The following EXD3 variants were observed in gnomAD, a reference collection of about 807,000 sequenced individuals.
EXD3 encodes exonuclease 3'-5' domain containing 3.
EXD3 carries 92 observed loss-of-function variants against 98.0 expected under a neutral mutation model. That is an observed-to-expected ratio of 0.94 (90% confidence interval 0.79 to 1.12). The LOEUF is 1.12. Among genes scored for constraint, EXD3 ranks in the 50% most tolerant of loss-of-function variants. EXD3 has a pLI of 0.00. For synonymous variants in EXD3, 569 were observed against 526.0 expected, an observed-to-expected ratio of 1.08 and a Z score of -1.12; for missense variants, 1,222 against 1,191.6, an observed-to-expected ratio of 1.03 and a Z score of -0.38.
At chr9:137,413,919 CTTT>C (rs57038595) in intron 1 of EXD3, among the ~76,000 whole-genome samples, 3 of 133,546 alleles carry the variant, frequency 2.2e-5, no homozygotes, top group Non-Finnish European at 3.3e-5. Flanking sequence ...TTTTTTTTTT[CTTT>C]TTTTTTTTTT....
At chr9:137,339,210 C>G (rs1236393650) in intron 17 of EXD3, among the ~76,000 whole-genome samples, 1 of 152,058 alleles carries the variant, frequency 6.6e-6, no homozygotes, top group Non-Finnish European at 1.5e-5. Context: ...GGAAGCCTCA[C>G]AGGAAGTGAG....
chr9:137,400,815 TA>T (rs1837447308), intron 1 of EXD3, among the ~76,000 whole-genome samples: 2 of 151,848 alleles, frequency 1.3e-5, no homozygotes, highest in South Asian at 4.1e-4. Context: ...ACAAAGGGAT[TA>T]CAGGGCCCAC....
In EXD3 at chr9:137,371,242, C is replaced by T. The variant is rs1052342698; in HGVS notation, c.462+1663G>A. Among the ~76,000 whole-genome samples the T allele has an allele frequency of 5.3e-5, 8 of 152,240 alleles. No individual in the cohort carries two copies. The highest frequency in any genetic ancestry group is 1.9e-4 in the East Asian group (1 of 5,198). ...TCCCTGCACTCTCCGCAGGCACGGC[C>T]GCCATTCAGCGTCGCGCCACATGAG... On this transcript the variant is annotated intron_variant, in intron 5 of 21. Coordinates refer to ENST00000340951, the MANE Select transcript of EXD3 (RefSeq NM_017820.5). The surrounding 1 kb of genome is among the most constrained non-coding windows in gnomAD (Gnocchi z 8.0).
In EXD3 at chr9:137,335,281, T is replaced by C. The variant is rs1833295951; in HGVS notation, c.1999-11138A>G. Among the ~76,000 whole-genome samples, 6 of 152,030 alleles carry C rather than the reference T, an allele frequency of 3.9e-5. No homozygotes were observed. In the South Asian group the frequency reaches 1.0e-3, roughly 26 times the overall value. Reference sequence around the variant, plus strand: ...CATTTCTCAAAAGAAGATATACAGATACGCAGCAAACGTGAAAAATCGCTC... The same window carrying C: ...CATTTCTCAAAAGAAGATATACAGACACGCAGCAAACGTGAAAAATCGCTC... On this transcript the variant is annotated intron_variant, in intron 17 of 21. Transcript: ENST00000340951.
intron 10 of EXD3, chr9:137,353,980 G>GC (rs1834463102): frequency 1.8e-6 from 2 of 1,102,044 alleles, no homozygotes; most frequent in Non-Finnish European, 2.2e-6. Context: ...GGGCTGGGGG[G>GC]GCCTGGCCTT....
Position 137,405,451 on chromosome 9 carries a change from G to A in EXD3, c.-47-10047C>T, listed in dbSNP as rs774169672. ...CCCAAGGATTTGCAGAGCCGCGGAC[G>A]GAGCCCAGGGCGGCCGTCGCAGGCC... On this transcript the variant is annotated intron_variant, in intron 1 of 21. Coordinates refer to ENST00000340951, the MANE Select transcript of EXD3 (RefSeq NM_017820.5). The surrounding 1 kb of genome is among the most constrained non-coding windows in gnomAD (Gnocchi z 4.1). Among the ~76,000 whole-genome samples, 49 of 152,352 alleles carry A rather than the reference G, an allele frequency of 3.2e-4. No homozygotes were observed. Among genetic ancestry groups the A allele is most frequent in the Non-Finnish European group, 5.6e-4 (38 of 68,032 alleles).
chr9:137,373,520 C>G lies in EXD3; in HGVS notation c.200G>C (p.Arg67Pro). 2 of 1,604,502 alleles carry G rather than the reference C, an allele frequency of 1.2e-6. No individual in the cohort carries two copies. The highest frequency in any genetic ancestry group is 1.7e-6 in the Non-Finnish European group (2 of 1,176,584). The change falls in exon 4 of 22, where the codon CGG becomes CCG. Residue 67 changes from arginine (R) to proline (P), a missense_variant. By Grantham distance (103) the Arg-to-Pro change is moderately radical. Transcript: ENST00000340951. ...AGLLDMLESCRGQRGEGPSLA... is the reference protein window; with the variant it reads ...AGLLDMLESCPGQRGEGPSLA... ...GGAGGGGCCCTCTCCCCGCTGGCCC[C>G]GGCAGCTCTCCAGCATGTCCAGAAG...
At chr9:137,408,596 G>A (rs1033267730) in intron 1 of EXD3, among the ~76,000 whole-genome samples, 1 of 144,888 alleles carries the variant, frequency 6.9e-6, no homozygotes, top group Non-Finnish European at 1.5e-5. Context: ...CAGCCCCTAC[G>A]GCCCCCACAC....
At chr9:137,331,045 C>T (rs1833042441) in intron 17 of EXD3, among the ~76,000 whole-genome samples, 2 of 152,148 alleles carry the variant, frequency 1.3e-5, no homozygotes, top group Non-Finnish European at 2.9e-5. Flanking sequence ...CACATTAAAG[C>T]AATAATTCAC....
rs1029154793 is a variant in EXD3 at position 137,393,669 on chromosome 9, G to A, written c.55+1634C>T. 6.6e-6 allele frequency among the ~76,000 whole-genome samples: 1 copy of A among 152,218 alleles called. No homozygotes were observed. Among genetic ancestry groups the A allele is most frequent in the Admixed American group, 6.5e-5 (1 of 15,286 alleles). ...GTCCAAGGCCCGAGGAGGCAACTGCGTGGGATAGGGAAACTGAGGCAGAGA... is the reference window on the plus strand; with the variant it reads ...GTCCAAGGCCCGAGGAGGCAACTGCATGGGATAGGGAAACTGAGGCAGAGA... On this transcript the variant is annotated intron_variant, in intron 2 of 21. Transcript: ENST00000340951. This position sits in a 1 kb window ranked among gnomAD's most constrained non-coding sequence, Gnocchi z 4.6.
chr9:137,386,133 C>T (rs1040189924), intron 2 of EXD3, among the ~76,000 whole-genome samples: 1 of 151,836 alleles, frequency 6.6e-6, no homozygotes, highest in Non-Finnish European at 1.5e-5. Context: ...CCATCTCTAC[C>T]AAAATAAATA....
Position 137,349,398 on chromosome 9 carries a change from G to A in EXD3, c.1628C>T (p.Pro543Leu), listed in dbSNP as rs138566172. The change falls in exon 15 of 22, where the codon CCG becomes CTG. Residue 543 changes from proline to leucine, a missense_variant. Physicochemically the swap from Pro to Leu is moderately conservative, Grantham distance 98. Coordinates refer to ENST00000340951, the MANE Select transcript of EXD3 (RefSeq NM_017820.5). This position sits in a 1 kb window ranked among gnomAD's most constrained non-coding sequence, Gnocchi z 7.4. ...GTAGATGACCTGCTCCTCGCAGAGC[G>A]GCCTCCGGTCCCAGTTGGACAGCTG... ...TQQLSNWDRR[P>L]LCEEQVIYAA... 1.9e-5 allele frequency: 30 copies of A among 1,595,682 alleles called. 1 individual carries two copies. Among genetic ancestry groups the A allele is most frequent in the East Asian group, 9.0e-5 (4 of 44,590 alleles).
chr9:137,323,505 C>G (rs376802568), intron 19 of EXD3, among the ~76,000 whole-genome samples: 1 of 101,828 alleles, frequency 9.8e-6, no homozygotes, highest in Non-Finnish European at 1.9e-5. Context: ...GATGATCTGC[C>G]GACACCTCAC....
intron 19 of EXD3, among the ~76,000 whole-genome samples, chr9:137,320,406 G>A (rs564013298): frequency 6.6e-6 from 1 of 152,196 alleles, no homozygotes; most frequent in South Asian, 2.1e-4. Context: ...CTCCAGCCTG[G>A]ACAGTTGCTG....
At chr9:137,310,388 T>A (rs968028503) in intron 19 of EXD3, among the ~76,000 whole-genome samples, 1 of 152,074 alleles carries the variant, frequency 6.6e-6, no homozygotes, top group African/African-American at 2.4e-5. Context: ...ACCACCACAC[T>A]CAGCTAATTT....
intron 19 of EXD3, among the ~76,000 whole-genome samples, chr9:137,318,598 G>A (rs979866507): frequency 3.3e-5 from 5 of 152,106 alleles, no homozygotes; most frequent in African/African-American, 1.2e-4. Flanking sequence ...ATGGTAGACG[G>A]CACTGGGAAC....
At chr9:137,413,568 C>A (rs1054222197) in intron 1 of EXD3, among the ~76,000 whole-genome samples, 4 of 146,214 alleles carry the variant, frequency 2.7e-5, no homozygotes, top group South Asian at 2.2e-4. Flanking sequence ...TGCAGTGGTG[C>A]GATCCCAGCT....
chr9:137,410,415 G>A (rs1837936553), intron 1 of EXD3, among the ~76,000 whole-genome samples: 1 of 151,522 alleles, frequency 6.6e-6, no homozygotes, highest in African/African-American at 2.4e-5. Context: ...AACCCAGGAG[G>A]TGGAGGTTGC....
At chr9:137,370,667 C>T (rs1835543597) in intron 5 of EXD3, among the ~76,000 whole-genome samples, 1 of 151,858 alleles carries the variant, frequency 6.6e-6, no homozygotes, top group Admixed American at 6.6e-5. Flanking sequence ...AGGGCATTCC[C>T]CGGCTCCCCT....
Sources: allele counts gnomAD v4.1 joint callset (sites outside exome capture counted in the v4.1 genomes callset), GRCh38; gene constraint gnomAD v4.1.1; non-coding constraint Gnocchi (gnomAD v3.1); transcripts MANE v1.5; gene names NCBI Gene and HGNC (gene_info 2026-07-23, HGNC 2026-07-21).